DSCAM: variants seen among roughly 807,000 people sequenced by gnomAD.
DSCAM encodes cell adhesion molecule DSCAM.
Under a neutral mutation model 217.7 loss-of-function variants are expected in DSCAM, and 47 were observed. That is an observed-to-expected ratio of 0.22 (90% CI 0.17 to 0.28). The LOEUF (loss-of-function observed/expected upper bound fraction) is 0.28, where lower values mean the gene tolerates loss of function less well. Ranked by LOEUF, DSCAM falls within the 10% of genes least tolerant of loss-of-function variation. The probability of loss-of-function intolerance (pLI) is 1.00; values close to 1 mark genes in which losing one functional copy is unlikely to be tolerated. For synonymous variants in DSCAM, 1,056 were observed against 1,015.3 expected (o/e 1.04, Z -0.76); for missense variants, 2,080 against 2,618.3 (o/e 0.79, Z 4.49).
chr21:40,682,798 G>A (rs2090427941), intron 3 of DSCAM, among the ~76,000 whole-genome samples: 1 of 31,610 alleles, frequency 3.2e-5, no homozygotes, highest in African/African-American at 1.4e-4. Context: ...GGGGAGGGAA[G>A]GGAAGGGAAG....
intron 3 of DSCAM, among the ~76,000 whole-genome samples, chr21:40,440,952 T>C (rs2075624822): frequency 6.6e-6 from 1 of 152,166 alleles, no homozygotes; most frequent in Non-Finnish European, 1.5e-5. Flanking sequence ...GACACTCTCT[T>C]AATGGACTTC....
chr21:40,804,861 C>G (rs1219395020), intron 1 of DSCAM, among the ~76,000 whole-genome samples: 1 of 152,168 alleles, frequency 6.6e-6, no homozygotes, highest in African/African-American at 2.4e-5. Flanking sequence ...GACTTAACTT[C>G]CCGCTGCTAC....
At chr21:40,211,945 G>A (rs1325416445) in intron 11 of DSCAM, among the ~76,000 whole-genome samples, 1 of 151,618 alleles carries the variant, frequency 6.6e-6, no homozygotes, top group Non-Finnish European at 1.5e-5. Context: ...TTTGTTGTGG[G>A]AGACTGAAAT....
intron 20 of DSCAM, among the ~76,000 whole-genome samples, chr21:40,102,155 C>T (rs1002192441): frequency 6.6e-6 from 1 of 152,138 alleles, no homozygotes; most frequent in Admixed American, 6.5e-5. Flanking sequence ...TAGATATAAA[C>T]TCGTTTGAAC....
At chr21:40,432,626 T>C (rs2075545586) in intron 3 of DSCAM, among the ~76,000 whole-genome samples, 1 of 152,236 alleles carries the variant, frequency 6.6e-6, no homozygotes, top group Non-Finnish European at 1.5e-5. Flanking sequence ...GCCTATCATA[T>C]AGGACACAGC....
At chr21:40,660,499 A>T (rs534633194) in intron 3 of DSCAM, among the ~76,000 whole-genome samples, 1 of 152,334 alleles carries the variant, frequency 6.6e-6, no homozygotes, top group African/African-American at 2.4e-5. Context: ...TATTTTCATG[A>T]TTCACCTGCT....
intron 3 of DSCAM, among the ~76,000 whole-genome samples, chr21:40,574,326 A>T (rs547128119): frequency 3.3e-5 from 5 of 152,366 alleles, no homozygotes; most frequent in African/African-American, 1.2e-4. Flanking sequence ...TAACATTAAA[A>T]ATCAGTCAAA....
At chr21:40,477,147 G>T (rs2075943844) in intron 3 of DSCAM, among the ~76,000 whole-genome samples, 3 of 152,036 alleles carry the variant, frequency 2.0e-5, no homozygotes, top group Non-Finnish European at 4.4e-5. Context: ...AATTTAAAAA[G>T]AAATTTTCAA....
At chr21:40,699,539 T>C (rs565591903) in intron 2 of DSCAM, among the ~76,000 whole-genome samples, 2 of 152,306 alleles carry the variant, frequency 1.3e-5, no homozygotes, top group South Asian at 4.1e-4. Flanking sequence ...GAAAAGTTCT[T>C]GAAGGAAATG....
chr21:40,178,303 A>C (rs1054818836), intron 15 of DSCAM, among the ~76,000 whole-genome samples: 2 of 152,238 alleles, frequency 1.3e-5, no homozygotes, highest in African/African-American at 4.8e-5. Context: ...GCCAGTTATC[A>C]CTGCCTGTTC....
At position 40,035,282 on chromosome 21, in the gene DSCAM, G is replaced by A. The variant is rs2088597728; in HGVS notation, c.5686+7089C>T. On this transcript the variant is annotated intron_variant, in intron 32 of 32. Transcript: ENST00000400454. ...ATTCAGGAAACCCATCTCACGTGCAGAGACACACATAGGCTCAAAATAAAA... is the reference window on the plus strand; with the variant it reads ...ATTCAGGAAACCCATCTCACGTGCAAAGACACACATAGGCTCAAAATAAAA... Among the ~76,000 whole-genome samples, 2 of 102,252 alleles carry A rather than the reference G, an allele frequency of 2.0e-5. 1 individual carries two copies. Among genetic ancestry groups the A allele is most frequent in the Non-Finnish European group, 3.9e-5 (2 of 51,750 alleles). 67.1% of individuals were successfully genotyped at this position (102,252 alleles called of 152,430 possible).
At chr21:40,803,439 G>A (rs1277096304) in intron 1 of DSCAM, among the ~76,000 whole-genome samples, 1 of 152,106 alleles carries the variant, frequency 6.6e-6, no homozygotes, top group Non-Finnish European at 1.5e-5. Context: ...CTCAAATTCT[G>A]TTAAAGCAAA....
At chr21:40,510,647 C>A (rs896877833) in intron 3 of DSCAM, among the ~76,000 whole-genome samples, 3 of 152,188 alleles carry the variant, frequency 2.0e-5, no homozygotes, top group African/African-American at 7.2e-5. Context: ...CAGAGCTGTC[C>A]TTTTTCATTG....
At chr21:40,652,558 C>A (rs2090028314) in intron 3 of DSCAM, among the ~76,000 whole-genome samples, 1 of 152,102 alleles carries the variant, frequency 6.6e-6, no homozygotes, top group African/African-American at 2.4e-5. Flanking sequence ...CCACAGGAGG[C>A]ACATCCAATG....
At chr21:40,320,900 A>G (rs1464457094) in intron 8 of DSCAM, among the ~76,000 whole-genome samples, 1 of 152,158 alleles carries the variant, frequency 6.6e-6, no homozygotes, top group Non-Finnish European at 1.5e-5. Flanking sequence ...ATCAGTCACC[A>G]TCTCTGTTCA....
intron 11 of DSCAM, among the ~76,000 whole-genome samples, chr21:40,213,923 G>T (rs2091212692): frequency 6.6e-6 from 1 of 152,170 alleles, no homozygotes; most frequent in Non-Finnish European, 1.5e-5. Flanking sequence ...GCTGTGTTTG[G>T]TATCCAAGGC....
rs572093713 is a variant in DSCAM, at chr21:40,039,091, G to T, written c.5686+3280C>A. On this transcript the variant is annotated intron_variant, in intron 32 of 32. Transcript: ENST00000400454. ...TAGATGACCAGTTAGTGGGTGCAGC[G>T]CACCAGAATGGCACATGTATACATA... 1.1e-3 allele frequency among the ~76,000 whole-genome samples: 161 copies of T among 151,832 alleles called. 1 individual carries two copies. The highest frequency in any genetic ancestry group is 3.7e-3 in the African/African-American group (152 of 41,394).
In DSCAM at chr21:40,372,383, TTC is replaced by T. The variant is rs375124357; in HGVS notation, c.509-3140_509-3139del. On this transcript the variant is annotated intron_variant, in intron 3 of 32. Transcript: ENST00000400454. ...TCATTCTGTCTCCCTTTGTGTGTCTTTCTGTTTTATTTTCCTTGGAATACTAT... is the reference window on the plus strand; with the variant it reads ...TCATTCTGTCTCCCTTTGTGTGTCTTTGTTTTATTTTCCTTGGAATACTAT... Among the ~76,000 whole-genome samples the T allele has an allele frequency of 2.1e-3, 325 of 152,372 alleles. 1 individual carries two copies. Among genetic ancestry groups the T allele is most frequent in the African/African-American group, 7.6e-3 (315 of 41,582 alleles).
intron 11 of DSCAM, among the ~76,000 whole-genome samples, chr21:40,208,796 C>G (rs991797835): frequency 6.6e-6 from 1 of 152,152 alleles, no homozygotes; most frequent in Non-Finnish European, 1.5e-5. Flanking sequence ...GAGGCAGCTG[C>G]GGCTTTCACT....
Sources: gnomAD v4.1 joint callset for allele counts (sites outside exome capture counted in the v4.1 genomes callset) on GRCh38, gnomAD v4.1.1 for gene constraint, MANE v1.5 for transcripts, NCBI Gene and HGNC (gene_info 2026-07-23, HGNC 2026-07-21) for gene names.